The following SLC35F2 variants were observed in gnomAD, a reference collection of about 807,000 sequenced individuals.
SLC35F2 encodes the protein queuine/queuosine transporter SLC35F2.
A neutral mutation model predicts 38.1 loss-of-function variants in SLC35F2; 25 were observed. The ratio of observed to expected loss-of-function variants is 0.66; its 90% CI spans 0.48 to 0.92. The LOEUF (loss-of-function observed/expected upper bound fraction) is 0.92, where lower values mean the gene tolerates loss of function less well. Among genes scored for constraint, SLC35F2 ranks in the 40% least tolerant of loss-of-function variants. The probability of loss-of-function intolerance (pLI) is 0.00; values close to 1 mark genes in which losing one functional copy is unlikely to be tolerated. For missense variants in SLC35F2, 409 were observed against 452.9 expected (o/e 0.90, Z 0.88); for synonymous variants, 173 against 181.7 (o/e 0.95, Z 0.38).
chr11:107,824,991 G>A (rs936745923), intron 1 of SLC35F2, among the ~76,000 whole-genome samples: 2 of 152,208 alleles, frequency 1.3e-5, no homozygotes, highest in South Asian at 4.1e-4. Context: ...AATGTTTAAT[G>A]TAATTTCGTT....
rs1565440753 is a variant in SLC35F2 at position 107,843,871 on chromosome 11, ATATATATATATAT to A, written c.110+14774_110+14786del. The stretch of plus-strand genomic sequence containing the variant: ...TAAAAAAAAAAAAAAAAAAAAAAAT[ATATATATATATAT>A]ATATATATATATATATATATATATG... On this transcript the variant is annotated intron_variant, in intron 1 of 7. Coordinates refer to ENST00000525815, the MANE Select transcript of SLC35F2 (RefSeq NM_017515.5). Among the ~76,000 whole-genome samples, 214 of 39,694 alleles carry A rather than the reference ATATATATATATAT, an allele frequency of 5.4e-3. 5 individuals are homozygous for A. Among genetic ancestry groups the A allele is most frequent in the African/African-American group, 0.019 (153 of 7,986 alleles). 26.0% of individuals were successfully genotyped at this position (39,694 alleles called of 152,430 possible).
At chr11:107,856,109 A>T (rs1860276468) in intron 1 of SLC35F2, among the ~76,000 whole-genome samples, 1 of 150,908 alleles carries the variant, frequency 6.6e-6, no homozygotes, top group Admixed American at 6.6e-5. Context: ...CTGTCTCAAA[A>T]AAAAAAAAAA....
rs1860342188 is a variant in SLC35F2, at chr11:107,858,775, C to T, written c.-8G>A. On this transcript the variant is annotated 5_prime_UTR_variant, in exon 1 of 8. Transcript: ENST00000525815. The stretch of plus-strand genomic sequence containing the variant: ...TGGCGAGTCTGCCTCCATCGGCGCC[C>T]TTGCGCGTCTCCGGCGCCCAAAACC... The T allele has an allele frequency of 8.0e-7, 1 of 1,256,450 alleles. No homozygotes were observed. Among genetic ancestry groups the T allele is most frequent in the Non-Finnish European group, 1.0e-6 (1 of 992,602 alleles). The allele number at this position is 1,256,450 out of a possible 1,614,324, so 77.8% of individuals were successfully genotyped here.
intron 1 of SLC35F2, among the ~76,000 whole-genome samples, chr11:107,851,761 T>C (rs1169127300): frequency 6.6e-6 from 1 of 152,054 alleles, no homozygotes. Context: ...AATGGGCAGA[T>C]AGTAAATAAT....
intron 1 of SLC35F2, among the ~76,000 whole-genome samples, chr11:107,843,073 G>A (rs1303416101): frequency 5.3e-5 from 8 of 152,280 alleles, no homozygotes. Context: ...AGATTATAGA[G>A]CATGATATCC....
At chr11:107,818,100 G>GAAAGAAAA in intron 1 of SLC35F2, among the ~76,000 whole-genome samples, 1 of 130,354 alleles carries the variant, frequency 7.7e-6, no homozygotes. Flanking sequence ...AAGAAAGAAA[G>GAAAGAAAA]AAAGAAAGAA....
chr11:107,857,219 G>C lies in SLC35F2; in HGVS notation c.110+1439C>G, dbSNP rs544343882. 1.7e-3 allele frequency among the ~76,000 whole-genome samples: 177 copies of C among 102,990 alleles called. 1 individual carries two copies. Among genetic ancestry groups the C allele is most frequent in the African/African-American group, 6.4e-3 (171 of 26,708 alleles). 67.6% of individuals were successfully genotyped at this position (102,990 alleles called of 152,430 possible). A position where few individuals can be genotyped will look rare whatever the true frequency, so the allele number is the denominator to read the frequency against. On this transcript the variant is annotated intron_variant, in intron 1 of 7. Transcript: ENST00000525815. Reference sequence around the variant, plus strand: ...GACACGGACGGAAGGAAGGAACAAAGAAGGAGGGAGGGAGGGAGGGAGGGA... The same window carrying C: ...GACACGGACGGAAGGAAGGAACAAACAAGGAGGGAGGGAGGGAGGGAGGGA...
intron 1 of SLC35F2, among the ~76,000 whole-genome samples, chr11:107,831,924 CCA>C (rs779820634): frequency 5.9e-5 from 9 of 152,204 alleles, no homozygotes; most frequent in Admixed American, 1.3e-4. Flanking sequence ...TTTGCCAAAA[CCA>C]CAGTCTCACT....
chr11:107,805,237 T>A (rs1316768536), intron 5 of SLC35F2, 122 bp downstream of exon 5: 1 of 1,390,090 alleles, frequency 7.2e-7, no homozygotes. Flanking sequence ...ACAATTACTC[T>A]TGCATCCACC....
Position 107,792,152 on chromosome 11 carries a change from C to T in SLC35F2, c.*463G>A. 8.0e-6 allele frequency: 1 copy of T among 125,000 alleles called. No individual in the cohort carries two copies. The highest frequency in any genetic ancestry group is 1.6e-5 in the Non-Finnish European group (1 of 60,906). 7.7% of individuals were successfully genotyped at this position (125,000 alleles called of 1,614,324 possible). A position where few individuals can be genotyped will look rare whatever the true frequency, so the allele number is the denominator to read the frequency against. ...GTACCCAAAGGCCTGTGGACAATAA[C>T]TGCCTCAGCAAAAAAAAAAAAAAAA... is the stretch of plus-strand genomic sequence containing the variant. On this transcript the variant is annotated 3_prime_UTR_variant, in exon 8 of 8. Transcript: ENST00000525815.
rs188891082 is a variant in SLC35F2, at chr11:107,810,217, G to A, written c.414+1450C>T. ...TTATAATATATTCTTTGCTAGGACC[G>A]TAAGTGCATGACTTTTGGCAACCAA... On this transcript the variant is annotated intron_variant, in intron 3 of 7. Transcript: ENST00000525815. 5.9e-5 allele frequency: 58 copies of A among 985,352 alleles called. No individual in the cohort carries two copies. The Admixed American group carries it at 2.0e-3, about 33-fold the overall frequency. 61.0% of individuals were successfully genotyped at this position (985,352 alleles called of 1,614,324 possible).
rs181222199 is a variant in SLC35F2, at chr11:107,857,088, T to A, written c.110+1570A>T. Among the ~76,000 whole-genome samples the A allele has an allele frequency of 4.3e-3, 567 of 130,386 alleles. 1 individual carries two copies. The highest frequency in any genetic ancestry group is 0.017 in the African/African-American group (553 of 32,770). The allele number at this position is 130,386 out of a possible 152,430, so 85.5% of individuals were successfully genotyped here. A position where few individuals can be genotyped will look rare whatever the true frequency, so the allele number is the denominator to read the frequency against. ...GGGAACTGGAGCACAGAGAACTGAT[T>A]TGTCCAAGGTCACCCAGCAGAAGGA... On this transcript the variant is annotated intron_variant, in intron 1 of 7. Transcript: ENST00000525815.
intron 7 of SLC35F2, among the ~76,000 whole-genome samples, chr11:107,802,121 C>G (rs1490388668): frequency 2.0e-5 from 3 of 151,904 alleles, no homozygotes; most frequent in Non-Finnish European, 4.4e-5. Flanking sequence ...GCCTGTAATC[C>G]CAGCTACTCA....
intron 7 of SLC35F2, among the ~76,000 whole-genome samples, chr11:107,798,121 G>C (rs189943231): frequency 1.3e-5 from 2 of 151,752 alleles, no homozygotes; most frequent in South Asian, 2.1e-4. Context: ...CTTGTGCCTC[G>C]GCCTCCCAAG....
intron 1 of SLC35F2, among the ~76,000 whole-genome samples, chr11:107,832,820 C>T (rs1012609685): frequency 6.6e-6 from 1 of 152,070 alleles, no homozygotes; most frequent in Non-Finnish European, 1.5e-5. Context: ...AACAAACAAA[C>T]AAAATCTACA....
rs79382063 is a variant in SLC35F2 at position 107,797,050 on chromosome 11, T to A, written c.940-4250A>T. Reference sequence around the variant, plus strand: ...TTCTAATGTTTGACAGCAGAGTAGGTTGACTACAGTTGAAATGATAAATAC... The same window carrying A: ...TTCTAATGTTTGACAGCAGAGTAGGATGACTACAGTTGAAATGATAAATAC... On this transcript the variant is annotated intron_variant, in intron 7 of 7. Coordinates refer to ENST00000525815, the MANE Select transcript of SLC35F2 (RefSeq NM_017515.5). Among the ~76,000 whole-genome samples, 1,481 of 152,248 alleles carry A rather than the reference T, an allele frequency of 9.7e-3. 29 individuals are homozygous for A. The highest frequency in any genetic ancestry group is 0.034 in the African/African-American group (1,410 of 41,508).
intron 4 of SLC35F2, chr11:107,805,753 C>T: frequency 2.9e-6 from 2 of 701,154 alleles, no homozygotes; most frequent in Non-Finnish European, 3.5e-6. Context: ...TCTCAGCTCA[C>T]TGCAACCTAC....
At chr11:107,811,137 A>ACAAAGTTGAAAACCT in intron 3 of SLC35F2, 1 of 984,910 alleles carries the variant, frequency 1.0e-6, no homozygotes, top group East Asian at 1.1e-4. Context: ...CTTCAACTTT[A>ACAAAGTTGAAAACCT]CAAAGTTGAA....
At chr11:107,827,501 C>G (rs1416770512) in intron 1 of SLC35F2, among the ~76,000 whole-genome samples, 4 of 152,130 alleles carry the variant, frequency 2.6e-5, no homozygotes, top group African/African-American at 9.7e-5. Context: ...GTAATCCCAG[C>G]ACTTCAGGAG....
Sources: allele counts gnomAD v4.1 joint callset (sites outside exome capture counted in the v4.1 genomes callset), GRCh38; gene constraint gnomAD v4.1.1; transcripts MANE v1.5; gene names NCBI Gene and HGNC (gene_info 2026-07-23, HGNC 2026-07-21).